EFCAB7: variants seen among roughly 807,000 people sequenced by gnomAD.
The protein encoded by EFCAB7 is EF-hand calcium binding domain 7.
In EFCAB7, 66 loss-of-function variants were observed where a neutral mutation model predicts 77.1. The observed-to-expected ratio is 0.86, with a 90% CI of 0.70 to 1.05. The LOEUF (loss-of-function observed/expected upper bound fraction) is 1.05. EFCAB7 is among the 50% of genes least tolerant of loss of function. The pLI, the probability that EFCAB7 is intolerant of heterozygous loss-of-function variation, is 0.00. For missense variants in EFCAB7, 638 were observed against 730.5 expected (o/e 0.87, Z 1.46); for synonymous variants, 225 against 243.3 (o/e 0.92, Z 0.70).
chr1:63,532,985 A>G (rs778901115), intron 4 of EFCAB7, among the ~76,000 whole-genome samples: 6 of 152,138 alleles, frequency 3.9e-5, no homozygotes, highest in Non-Finnish European at 5.9e-5. Context: ...ATCCTTAAAT[A>G]TTGTGCATGA....
chr1:63,557,347 T>G lies in EFCAB7; in HGVS notation c.1348+100T>G. On this transcript the variant is annotated intron_variant, in intron 10 of 13. Coordinates refer to ENST00000371088, the MANE Select transcript of EFCAB7 (RefSeq NM_032437.4). ...AGTCAAACTTCTGCATGAAATATTATTATAGCATTTAGGACAGTTTGAAAG... is the reference window on the plus strand; with the variant it reads ...AGTCAAACTTCTGCATGAAATATTAGTATAGCATTTAGGACAGTTTGAAAG... The G allele has an allele frequency of 3.5e-6, 4 of 1,147,858 alleles. No homozygotes were observed. In the South Asian group the frequency reaches 6.3e-5, roughly 18 times the overall value. The allele number at this position is 1,147,858 out of a possible 1,614,324, so 71.1% of individuals were successfully genotyped here.
the EFCAB7 span, among the ~76,000 whole-genome samples, chr1:63,583,517 C>T: frequency 6.6e-6 from 1 of 152,128 alleles, no homozygotes; most frequent in South Asian, 2.1e-4. Flanking sequence ...TGATTCAACA[C>T]TGAAGGTGTC....
At chr1:63,523,661 T>C (rs1228483696) in intron 1 of EFCAB7, 27 bp downstream of exon 1, 1 of 178,332 alleles carries the variant, frequency 5.6e-6, no homozygotes, top group Non-Finnish European at 1.2e-5. Flanking sequence ...TGTCTCTGTC[T>C]CTTCGCTCCC....
At chr1:63,540,226 T>C (rs958470848) in intron 6 of EFCAB7, among the ~76,000 whole-genome samples, 10 of 151,800 alleles carry the variant, frequency 6.6e-5, no homozygotes, top group African/African-American at 2.4e-4. Flanking sequence ...TAGCTGGGTG[T>C]GGTGGCAGGC....
At chr1:63,539,134 G>A (rs1020354225) in intron 6 of EFCAB7, among the ~76,000 whole-genome samples, 2 of 152,190 alleles carry the variant, frequency 1.3e-5, no homozygotes, top group Non-Finnish European at 2.9e-5. Flanking sequence ...GCTATGTCCT[G>A]TTAATCTGTG....
At chr1:63,532,307 A>G (rs1215331126) in intron 3 of EFCAB7, among the ~76,000 whole-genome samples, 1 of 152,054 alleles carries the variant, frequency 6.6e-6, no homozygotes, top group Non-Finnish European at 1.5e-5. Flanking sequence ...TGATAGTTCC[A>G]TATGTGATAA....
intron 2 of EFCAB7, among the ~76,000 whole-genome samples, chr1:63,531,160 C>A (rs1646688816): frequency 6.6e-6 from 1 of 152,072 alleles, no homozygotes; most frequent in African/African-American, 2.4e-5. Context: ...TCCTCCCCTA[C>A]CCCCAGAGTA....
intron 11 of EFCAB7, among the ~76,000 whole-genome samples, chr1:63,568,044 A>G (rs1018782644): frequency 7.9e-5 from 12 of 151,982 alleles, no homozygotes; most frequent in African/African-American, 2.4e-4. Context: ...AGATGGTATT[A>G]TGGTTTAAAG....
At chr1:63,582,349 G>A in the EFCAB7 span, among the ~76,000 whole-genome samples, 1 of 152,184 alleles carries the variant, frequency 6.6e-6, no homozygotes, top group Non-Finnish European at 1.5e-5. Flanking sequence ...ATTGAGGTTT[G>A]CAGATGTGGT....
chr1:63,533,730 T>G (rs1228400259), intron 5 of EFCAB7, 81 bp downstream of exon 5: 1 of 1,055,804 alleles, frequency 9.5e-7, no homozygotes, highest in Non-Finnish European at 1.3e-6. Flanking sequence ...CATTTCAGCT[T>G]ATCAGTGATA....
the EFCAB7 span, among the ~76,000 whole-genome samples, chr1:63,578,850 C>T: frequency 6.6e-6 from 1 of 152,130 alleles, no homozygotes; most frequent in South Asian, 2.1e-4. Flanking sequence ...CTCCTGCCCT[C>T]ATTATACATA....
At position 63,557,166 on chromosome 1, in the gene EFCAB7, CTTA is replaced by C. The variant is rs1647041711; in HGVS notation, c.1268_1270del (p.Leu423_Ser424delinsArg). The C allele has an allele frequency of 6.2e-7, 1 of 1,606,764 alleles. No individual in the cohort carries two copies. Among genetic ancestry groups the C allele is most frequent in the South Asian group, 1.1e-5 (1 of 89,296 alleles). ...AATTGATTTAGATGGAAATGGTCTTCTTAGCCTTGAAGAATATAATTTTTTTGA... is the reference window on the plus strand; with the variant it reads ...AATTGATTTAGATGGAAATGGTCTTCGCCTTGAAGAATATAATTTTTTTGA... On this transcript the variant is annotated inframe_deletion, in exon 10 of 14. Coordinates refer to ENST00000371088, the MANE Select transcript of EFCAB7 (RefSeq NM_032437.4).
chr1:63,534,004 C>T lies in EFCAB7; in HGVS notation c.683-91C>T, dbSNP rs924809562. On this transcript the variant is annotated intron_variant, in intron 5 of 13. Transcript: ENST00000371088. ...GAGAACAAAGAGAATCAAAGTAATA[C>T]AGTAGATCTTTTATACTGCACTGTG... The T allele has an allele frequency of 2.2e-6, 3 of 1,362,382 alleles. No homozygotes were observed. The African/African-American group carries it at 4.3e-5, about 20-fold the overall frequency. 84.4% of individuals were successfully genotyped at this position (1,362,382 alleles called of 1,614,324 possible).
the EFCAB7 span, among the ~76,000 whole-genome samples, chr1:63,578,851 A>G: frequency 1.3e-5 from 2 of 152,308 alleles, no homozygotes; most frequent in East Asian, 3.9e-4. Flanking sequence ...TCCTGCCCTC[A>G]TTATACATAG....
chr1:63,546,133 T>A (rs1290420362), intron 7 of EFCAB7, 76 bp downstream of exon 7: 1 of 1,440,812 alleles, frequency 6.9e-7, no homozygotes, highest in Non-Finnish European at 9.4e-7. Flanking sequence ...AAGTATTCCA[T>A]AGTCCTAGTT....
chr1:63,525,897 T>G (rs1646580736), intron 2 of EFCAB7, 138 bp downstream of exon 2: 1 of 588,010 alleles, frequency 1.7e-6, no homozygotes, highest in South Asian at 2.6e-5. Context: ...TACAGTAAGC[T>G]ATTATGTCAT....
At chr1:63,523,776 T>A (rs1412713191) in intron 1 of EFCAB7, 142 bp downstream of exon 1, 1 of 153,512 alleles carries the variant, frequency 6.5e-6, no homozygotes, top group Admixed American at 6.5e-5. Context: ...GTAAATGCGG[T>A]TTTATTTCCA....
At chr1:63,557,803 G>A (rs1388142765) in intron 10 of EFCAB7, among the ~76,000 whole-genome samples, 1 of 152,182 alleles carries the variant, frequency 6.6e-6, no homozygotes, top group Non-Finnish European at 1.5e-5. Context: ...AGGAGTCTGG[G>A]AAGACATACT....
In EFCAB7 at chr1:63,561,846, G is replaced by A; in HGVS notation, c.1486G>A (p.Glu496Lys). The A allele has an allele frequency of 6.4e-7, 1 of 1,572,896 alleles. No homozygotes were observed. Among genetic ancestry groups the A allele is most frequent in the Non-Finnish European group, 8.6e-7 (1 of 1,160,404 alleles). ...LHSMGYNKALELTEACPFVID... is the reference protein window; with the variant it reads ...LHSMGYNKALKLTEACPFVID... ...CTCTATGGGCTACAATAAAGCTCTG[G>A]AGTTGACAGAGGTAAAGTATTCTTA... The change falls in exon 11 of 14, where the codon GAG (glutamate) becomes AAG (lysine). Residue 496 changes from glutamate (E) to lysine (K), a missense_variant. By Grantham distance (56) the Glu-to-Lys change is moderately conservative (BLOSUM62 1). Coordinates refer to ENST00000371088, the MANE Select transcript of EFCAB7 (RefSeq NM_032437.4).
Sources: gnomAD v4.1 joint callset for allele counts (sites outside exome capture counted in the v4.1 genomes callset) on GRCh38, gnomAD v4.1.1 for gene constraint, MANE v1.5 for transcripts, NCBI Gene and HGNC (gene_info 2026-07-23, HGNC 2026-07-21) for gene names.